The following ASAP1 variants were observed in gnomAD, a reference collection of about 807,000 sequenced individuals.
ASAP1 encodes arf-GAP with SH3 domain, ANK repeat and PH domain-containing protein 1.
In ASAP1, 43 loss-of-function variants were observed where a neutral mutation model predicts 145.2. The observed-to-expected ratio is 0.30, with a 90% CI of 0.23 to 0.38. ASAP1 has a LOEUF of 0.38. Among genes scored for constraint, ASAP1 ranks in the 10% least tolerant of loss-of-function variants. The probability of loss-of-function intolerance (pLI) is 1.00; values close to 1 mark genes in which losing one functional copy is unlikely to be tolerated. For missense variants in ASAP1, 1,018 were observed against 1,355.3 expected (o/e 0.75, Z 3.91); for synonymous variants, 546 against 515.5 (o/e 1.06, Z -0.80).
chr8:130,333,042 T>G (rs1824797261), intron 3 of ASAP1, among the ~76,000 whole-genome samples: 1 of 152,140 alleles, frequency 6.6e-6, no homozygotes, highest in African/African-American at 2.4e-5. Context: ...CAATCTTTCA[T>G]ATGGAAATTC....
intron 9 of ASAP1, among the ~76,000 whole-genome samples, chr8:130,173,621 AG>A (rs1813739372): frequency 6.6e-6 from 1 of 151,946 alleles, no homozygotes; most frequent in South Asian, 2.1e-4. Context: ...TACAAACATT[AG>A]CCGGGCGTGG....
chr8:130,387,935 G>T (rs997406015), intron 2 of ASAP1, among the ~76,000 whole-genome samples: 13 of 152,204 alleles, frequency 8.5e-5, no homozygotes, highest in South Asian at 2.1e-4. Context: ...AGTCTGGTGG[G>T]GGTGGCAGAC....
chr8:130,167,102 A>G (rs139947354), intron 11 of ASAP1, among the ~76,000 whole-genome samples: 369 of 152,224 alleles, frequency 2.4e-3, no homozygotes, highest in African/African-American at 8.5e-3. Flanking sequence ...CCAGCAGTTC[A>G]AGACCAGCCA....
intron 3 of ASAP1, among the ~76,000 whole-genome samples, chr8:130,326,270 A>G (rs1330672374): frequency 6.6e-6 from 1 of 152,204 alleles, no homozygotes; most frequent in Admixed American, 6.5e-5. Context: ...AAAGAACAGG[A>G]GTTTGCTTTT....
intron 27 of ASAP1, among the ~76,000 whole-genome samples, chr8:130,066,974 C>T (rs943599306): frequency 1.3e-5 from 2 of 152,190 alleles, no homozygotes; most frequent in Admixed American, 6.5e-5. Flanking sequence ...TGGCCTGGCT[C>T]ACTCTGCCAA....
chr8:130,104,395 T>C (rs2097533701), intron 24 of ASAP1, among the ~76,000 whole-genome samples: 2 of 152,242 alleles, frequency 1.3e-5, no homozygotes, highest in African/African-American at 2.4e-5. Context: ...TCCTCTTCCT[T>C]ATTTGAAGGT....
At chr8:130,161,872 C>G (rs1586480659) in intron 11 of ASAP1, among the ~76,000 whole-genome samples, 2 of 152,104 alleles carry the variant, frequency 1.3e-5, no homozygotes, top group South Asian at 4.1e-4. Context: ...GTGATCACAG[C>G]TCACTGCGGC....
chr8:130,085,850 C>T lies in ASAP1; in HGVS notation c.2573-5879G>A, dbSNP rs188266516. On this transcript the variant is annotated intron_variant, in intron 25 of 29. Transcript: ENST00000518721. ...GACTATTTGTTTTGCTATCAAAAGCCTGCCTTAGAAGTCTCCTGAGACAGA... is the reference window on the plus strand; with the variant it reads ...GACTATTTGTTTTGCTATCAAAAGCTTGCCTTAGAAGTCTCCTGAGACAGA... 1.0e-3 allele frequency among the ~76,000 whole-genome samples: 155 copies of T among 152,204 alleles called. 4 individuals carry two copies. The highest frequency in any genetic ancestry group is 8.5e-4 in the Non-Finnish European group (58 of 68,018).
At position 130,126,099 on chromosome 8, in the gene ASAP1, G is replaced by C. The variant is rs140146948; in HGVS notation, c.1382-10C>G. The C allele has an allele frequency of 2.5e-6, 4 of 1,597,440 alleles. No homozygotes were observed. The highest frequency in any genetic ancestry group is 2.6e-6 in the Non-Finnish European group (3 of 1,174,916). On this transcript the variant is annotated splice_polypyrimidine_tract_variant and intron_variant, in intron 16 of 29. Coordinates refer to ENST00000518721, the MANE Select transcript of ASAP1 (RefSeq NM_018482.4). ...GAAAGCCAGGTGGGTTCTGTGGAAAGAATGTTGAAGACAATGAAACAAAAA... is the reference window on the plus strand; with the variant it reads ...GAAAGCCAGGTGGGTTCTGTGGAAACAATGTTGAAGACAATGAAACAAAAA...
At chr8:130,314,054 T>C (rs1369172630) in intron 3 of ASAP1, among the ~76,000 whole-genome samples, 1 of 152,174 alleles carries the variant, frequency 6.6e-6, no homozygotes, top group Non-Finnish European at 1.5e-5. Context: ...TGCATGTAAA[T>C]GGACATTATA....
At chr8:130,363,792 A>G (rs946379071) in intron 2 of ASAP1, among the ~76,000 whole-genome samples, 2 of 152,160 alleles carry the variant, frequency 1.3e-5, no homozygotes, top group African/African-American at 4.8e-5. Flanking sequence ...GTATAGGGCT[A>G]CTTTGTTAGA....
In ASAP1 at chr8:130,173,481, G is replaced by A. The variant is rs142842170; in HGVS notation, c.747-4414C>T. ...TCGTCCTAGTTCAGTGGACATGCAA[G>A]GGCTACTGCACACATGGCTCATGCC... On this transcript the variant is annotated intron_variant, in intron 9 of 29. Coordinates refer to ENST00000518721, the MANE Select transcript of ASAP1 (RefSeq NM_018482.4). Among the ~76,000 whole-genome samples the A allele has an allele frequency of 6.5e-3, 996 of 152,220 alleles. 10 individuals are homozygous for A. The highest frequency in any genetic ancestry group is 0.023 in the African/African-American group (958 of 41,550).
intron 3 of ASAP1, among the ~76,000 whole-genome samples, chr8:130,301,043 A>G (rs1822629131): frequency 6.6e-6 from 1 of 152,196 alleles, no homozygotes; most frequent in Admixed American, 6.5e-5. Context: ...GGAGAAATTC[A>G]TTCCCTATGA....
At chr8:130,151,285 C>T (rs1389792742) in intron 13 of ASAP1, among the ~76,000 whole-genome samples, 2 of 142,766 alleles carry the variant, frequency 1.4e-5, no homozygotes, top group Admixed American at 7.6e-5. Flanking sequence ...GCAGGAGACT[C>T]GCTTGAACCT....
chr8:130,067,808 T>C (rs2097433662), intron 27 of ASAP1, among the ~76,000 whole-genome samples: 1 of 152,236 alleles, frequency 6.6e-6, no homozygotes. Context: ...CACTGCGGCA[T>C]GTTGTGTATG....
At chr8:130,070,457 G>A (rs779713402) in intron 27 of ASAP1, among the ~76,000 whole-genome samples, 173 of 152,224 alleles carry the variant, frequency 1.1e-3, no homozygotes, top group Non-Finnish European at 1.6e-3. Context: ...AATATTAATT[G>A]GACATGCCCA....
chr8:130,100,804 G>C (rs186373979), intron 24 of ASAP1, among the ~76,000 whole-genome samples: 17 of 152,272 alleles, frequency 1.1e-4, no homozygotes, highest in African/African-American at 3.6e-4. Context: ...TCTTTGCTCT[G>C]ATTGTTTCTT....
chr8:130,069,077 A>C (rs2097436278), intron 27 of ASAP1, among the ~76,000 whole-genome samples: 1 of 152,230 alleles, frequency 6.6e-6, no homozygotes, highest in Non-Finnish European at 1.5e-5. Flanking sequence ...TGGAAATTTT[A>C]AAATGGTTAT....
intron 13 of ASAP1, among the ~76,000 whole-genome samples, chr8:130,147,266 T>A (rs1445436214): frequency 2.7e-5 from 4 of 149,844 alleles, no homozygotes; most frequent in Admixed American, 2.7e-4. Flanking sequence ...GGGATAGTTG[T>A]ACATTAGAGA....
Sources: allele counts gnomAD v4.1 joint callset (sites outside exome capture counted in the v4.1 genomes callset), GRCh38; gene constraint gnomAD v4.1.1; transcripts MANE v1.5; gene names NCBI Gene and HGNC (gene_info 2026-07-23, HGNC 2026-07-21).